The following WWC1 variants were observed in gnomAD, a reference collection of about 807,000 sequenced individuals.
The protein encoded by WWC1 is WW and C2 domain containing 1.
WWC1 carries 55 observed loss-of-function variants against 138.4 expected under a neutral mutation model. The ratio of observed to expected loss-of-function variants is 0.40; its 90% CI spans 0.32 to 0.50. The LOEUF is 0.50. Ranked by LOEUF, WWC1 falls within the 20% of genes least tolerant of loss-of-function variation. The probability of loss-of-function intolerance (pLI) is 0.72; values close to 1 mark genes in which losing one functional copy is unlikely to be tolerated. For missense variants in WWC1, 1,226 were observed against 1,420.4 expected, an observed-to-expected ratio of 0.86 and a Z score of 2.20; for synonymous variants, 524 against 564.9, an observed-to-expected ratio of 0.93 and a Z score of 1.03.
chr5:168,340,114 C>T (rs1441311300), intron 1 of WWC1, among the ~76,000 whole-genome samples: 4 of 150,954 alleles, frequency 2.6e-5, no homozygotes, highest in Non-Finnish European at 5.9e-5. Flanking sequence ...CTCGCTCTGT[C>T]GCCTAGGCTG....
intron 1 of WWC1, among the ~76,000 whole-genome samples, chr5:168,313,420 G>A (rs1211350040): frequency 5.9e-5 from 9 of 152,058 alleles, no homozygotes; most frequent in Middle Eastern, 3.4e-3. Flanking sequence ...GCGAAACCCC[G>A]TCTCTACTAA....
At chr5:168,452,527 C>T (rs1755924607) in intron 17 of WWC1, among the ~76,000 whole-genome samples, 1 of 152,196 alleles carries the variant, frequency 6.6e-6, no homozygotes, top group Non-Finnish European at 1.5e-5. Context: ...TGAATCAAAC[C>T]TGCTGACACC....
At chr5:168,391,556 G>A (rs2152824533) in intron 3 of WWC1, among the ~76,000 whole-genome samples, 1 of 151,370 alleles carries the variant, frequency 6.6e-6, no homozygotes, top group East Asian at 2.0e-4. Flanking sequence ...CTACTCGGGA[G>A]GCTGAGGCAG....
At chr5:168,459,865 A>C (rs1756649593) in intron 19 of WWC1, among the ~76,000 whole-genome samples, 1 of 151,956 alleles carries the variant, frequency 6.6e-6, no homozygotes. Flanking sequence ...TCGAGAAAGA[A>C]ATCCCCACTC....
intron 1 of WWC1, among the ~76,000 whole-genome samples, chr5:168,350,755 A>G (rs574393859): frequency 6.6e-6 from 1 of 152,356 alleles, no homozygotes; most frequent in South Asian, 2.1e-4. Context: ...CATCTAAGAC[A>G]TTGCAAACAA....
At chr5:168,466,737 G>A (rs1177762658) in intron 21 of WWC1, among the ~76,000 whole-genome samples, 3 of 152,142 alleles carry the variant, frequency 2.0e-5, no homozygotes, top group Admixed American at 6.6e-5. Context: ...ATCTAAAGTA[G>A]CCTAATTATA....
intron 2 of WWC1, among the ~76,000 whole-genome samples, chr5:168,384,401 A>T (rs1777880354): frequency 6.6e-6 from 1 of 152,254 alleles, no homozygotes; most frequent in Admixed American, 6.5e-5. Flanking sequence ...ATTACTTTTT[A>T]TAATGAATTA....
At chr5:168,309,946 A>C (rs1770918720) in intron 1 of WWC1, among the ~76,000 whole-genome samples, 1 of 152,218 alleles carries the variant, frequency 6.6e-6, no homozygotes, top group African/African-American at 2.4e-5. Flanking sequence ...TCTGGTCTCA[A>C]ACAACTTCGC....
chr5:168,417,259 G>C (rs577352306), intron 9 of WWC1, among the ~76,000 whole-genome samples: 1 of 152,180 alleles, frequency 6.6e-6, no homozygotes, highest in East Asian at 1.9e-4. Context: ...ACAATGTTGA[G>C]GATTTACTGT....
chr5:168,443,035 A>C (rs994402111), intron 16 of WWC1, among the ~76,000 whole-genome samples: 1 of 151,688 alleles, frequency 6.6e-6, no homozygotes, highest in South Asian at 2.1e-4. Context: ...TTAGTCTTAC[A>C]TATGGGGTAT....
intron 10 of WWC1, 53 bp downstream of exon 10, chr5:168,422,150 T>C: frequency 6.5e-7 from 1 of 1,540,348 alleles, no homozygotes; most frequent in South Asian, 1.1e-5. Flanking sequence ...CAGACATGGG[T>C]GTCCCCAGTG....
At chr5:168,431,188 G>A (rs750894961) in intron 14 of WWC1, 64 bp from the exon 15 acceptor site, 16 of 1,450,848 alleles carry the variant, frequency 1.1e-5, no homozygotes, top group African/African-American at 1.4e-5. Flanking sequence ...CAGCTGTTTA[G>A]TCCAACATTT....
At position 168,372,046 on chromosome 5, in the gene WWC1, AGTGTGTTTGTGTGTGTGT is replaced by A. The variant is rs1561672131; in HGVS notation, c.229+520_229+537del. Among the ~76,000 whole-genome samples, 3 of 107,322 alleles carry A rather than the reference AGTGTGTTTGTGTGTGTGT, an allele frequency of 2.8e-5. No homozygotes were observed. In the East Asian group the frequency reaches 7.5e-4, roughly 27 times the overall value. The allele number at this position is 107,322 out of a possible 152,430, so 70.4% of individuals were successfully genotyped here. On this transcript the variant is annotated intron_variant, in intron 2 of 22. Transcript: ENST00000265293. ...GCGAGAGAGAGAGAGAGAGAGAAAG[AGTGTGTTTGTGTGTGTGT>A]GTGTGTGTGTGTGTGTGTGTGTGTG...
At chr5:168,298,646 T>C (rs1444113954) in intron 1 of WWC1, among the ~76,000 whole-genome samples, 1 of 152,146 alleles carries the variant, frequency 6.6e-6, no homozygotes, top group Non-Finnish European at 1.5e-5. Context: ...CAGAGAAGAA[T>C]AAAATAATAG....
At chr5:168,450,044 T>C (rs12109088) in intron 17 of WWC1, among the ~76,000 whole-genome samples, 2,196 of 152,326 alleles carry the variant, frequency 0.014, 47 homozygotes, top group African/African-American at 0.049. Flanking sequence ...GGAGATTTTA[T>C]GTTTCCCCAC....
At chr5:168,410,505 T>C (rs368275128) in intron 8 of WWC1, among the ~76,000 whole-genome samples, 28 of 152,368 alleles carry the variant, frequency 1.8e-4, no homozygotes, top group African/African-American at 6.3e-4. Flanking sequence ...AAAATCAAAA[T>C]AATAATCAAA....
At position 168,306,701 on chromosome 5, in the gene WWC1, C is replaced by CT. The variant is rs145982419; in HGVS notation, c.119+14434dup. ...AACCTCTGCCTCCTGGGTTCAAGTA[C>CT]TTTTCTTGCCTCAACCTCCTGAGTA... On this transcript the variant is annotated intron_variant, in intron 1 of 22. Coordinates refer to ENST00000265293, the MANE Select transcript of WWC1 (RefSeq NM_015238.3). Among the ~76,000 whole-genome samples the CT allele has an allele frequency of 6.4e-3, 976 of 152,230 alleles. 1 individual carries two copies. Among genetic ancestry groups the CT allele is most frequent in the Non-Finnish European group, 0.01 (687 of 68,020 alleles).
chr5:168,450,320 A>G (rs1755684082), intron 17 of WWC1, among the ~76,000 whole-genome samples: 1 of 152,168 alleles, frequency 6.6e-6, no homozygotes, highest in Non-Finnish European at 1.5e-5. Context: ...TGGTGTTGGA[A>G]CAATTAGATA....
chr5:168,432,203 G>T (rs1448426650), intron 15 of WWC1, among the ~76,000 whole-genome samples: 2 of 152,082 alleles, frequency 1.3e-5, no homozygotes, highest in Non-Finnish European at 2.9e-5. Flanking sequence ...AAATGATAAT[G>T]CCTCCATCAT....
Sources: gnomAD v4.1 joint callset for allele counts (sites outside exome capture counted in the v4.1 genomes callset) on GRCh38, gnomAD v4.1.1 for gene constraint, MANE v1.5 for transcripts, NCBI Gene and HGNC (gene_info 2026-07-23, HGNC 2026-07-21) for gene names.